The following AKAP3 variants were observed in gnomAD, a reference collection of about 807,000 sequenced individuals.
The protein encoded by AKAP3 is A-kinase anchoring protein 3.
A neutral mutation model predicts 57.2 loss-of-function variants in AKAP3; 27 were observed. The ratio of observed to expected loss-of-function variants is 0.47; its 90% CI spans 0.35 to 0.65. The LOEUF is 0.65. AKAP3 is among the 30% of genes least tolerant of loss of function. The probability of loss-of-function intolerance (pLI) is 0.01; values close to 1 mark genes in which losing one functional copy is unlikely to be tolerated. For missense variants in AKAP3, 959 were observed against 1,040.0 expected (o/e 0.92, Z 1.07); for synonymous variants, 334 against 392.3 (o/e 0.85, Z 1.76).
Position 4,648,943 on chromosome 12 carries a change from A to G in AKAP3, c.-443T>C. On this transcript the variant is annotated 5_prime_UTR_variant, in exon 1 of 6. Transcript: ENST00000228850. ...CCAGATCTGAGATTCCAACAGCCAA[A>G]GTCTTTTCACTTCCTTTCTTCCCCC... is the stretch of plus-strand genomic sequence containing the variant. The G allele has an allele frequency of 1.5e-6, 1 of 650,528 alleles. No individual in the cohort carries two copies. The highest frequency in any genetic ancestry group is 2.6e-6 in the Non-Finnish European group (1 of 379,484). 40.3% of individuals were successfully genotyped at this position (650,528 alleles called of 1,614,324 possible).
At chr12:4,617,518 T>G (rs982374451) in intron 5 of AKAP3, among the ~76,000 whole-genome samples, 61 of 152,318 alleles carry the variant, frequency 4.0e-4, no homozygotes, top group African/African-American at 1.4e-3. Flanking sequence ...TTTGGGAGGC[T>G]GAGGCAGGAA....
At position 4,625,137 on chromosome 12, in the gene AKAP3, C is replaced by A. The variant is rs1204683912; in HGVS notation, c.2406+1359G>T. Reference sequence around the variant, plus strand: ...GTTGTCTGTTTCACGGATTGGAAACCCTGCGTGGAGACAGAGCTTGCCAAC... The same window carrying A: ...GTTGTCTGTTTCACGGATTGGAAACACTGCGTGGAGACAGAGCTTGCCAAC... On this transcript the variant is annotated intron_variant, in intron 5 of 5. Coordinates refer to ENST00000228850, the MANE Select transcript of AKAP3 (RefSeq NM_001278309.2). The surrounding 1 kb of genome is among the most constrained non-coding windows in gnomAD (Gnocchi z 5.4). Among the ~76,000 whole-genome samples, 1 of 152,026 alleles carries A rather than the reference C, an allele frequency of 6.6e-6. No individual in the cohort carries two copies. Among genetic ancestry groups the A allele is most frequent in the African/African-American group, 2.4e-5 (1 of 41,396 alleles).
intron 2 of AKAP3, among the ~76,000 whole-genome samples, chr12:4,644,045 A>G (rs1041075308): frequency 9.2e-5 from 14 of 152,238 alleles, no homozygotes; most frequent in East Asian, 1.9e-4. Flanking sequence ...TGCCTGCTAC[A>G]TCGTAGAAGC....
chr12:4,620,504 G>A (rs1945334462), intron 5 of AKAP3, among the ~76,000 whole-genome samples: 2 of 142,616 alleles, frequency 1.4e-5, no homozygotes, highest in South Asian at 4.5e-4. Flanking sequence ...AAGAGAGATT[G>A]TAACCCTACT....
At chr12:4,621,073 C>T (rs1473650711) in intron 5 of AKAP3, among the ~76,000 whole-genome samples, 3 of 151,164 alleles carry the variant, frequency 2.0e-5, no homozygotes, top group South Asian at 2.1e-4. Flanking sequence ...CCTGTGTGGG[C>T]CTAGGTCAAT....
At chr12:4,638,536 A>G (rs1945594552) in intron 3 of AKAP3, among the ~76,000 whole-genome samples, 1 of 152,200 alleles carries the variant, frequency 6.6e-6, no homozygotes, top group South Asian at 2.1e-4. Flanking sequence ...CTGCACTCAC[A>G]GGATTTTCAG....
chr12:4,631,422 G>T (rs11063271), intron 4 of AKAP3: 75,436 of 684,158 alleles, frequency 0.11, 4,528 homozygotes, highest in South Asian at 0.15. Context: ...CCACAAAGTG[G>T]GGCTGAAAGT....
At chr12:4,643,407 T>C (rs1319217472) in intron 2 of AKAP3, among the ~76,000 whole-genome samples, 1 of 152,082 alleles carries the variant, frequency 6.6e-6, no homozygotes, top group Non-Finnish European at 1.5e-5. Flanking sequence ...CATAAATTGC[T>C]ATAAGTTTAA....
chr12:4,623,592 G>C (rs767285670), intron 5 of AKAP3, among the ~76,000 whole-genome samples: 3 of 152,164 alleles, frequency 2.0e-5, no homozygotes, highest in Non-Finnish European at 4.4e-5. Context: ...ACAGACACTT[G>C]AGGGTGAAGG....
At chr12:4,646,946 C>A (rs898413791) in intron 1 of AKAP3, among the ~76,000 whole-genome samples, 1 of 151,966 alleles carries the variant, frequency 6.6e-6, no homozygotes, top group Non-Finnish European at 1.5e-5. Flanking sequence ...CCACACACGG[C>A]TAATTTTTGT....
chr12:4,634,680 A>G (rs780284701), intron 4 of AKAP3, among the ~76,000 whole-genome samples: 6 of 151,802 alleles, frequency 4.0e-5, no homozygotes, highest in Non-Finnish European at 7.4e-5. Context: ...TGCATTTATT[A>G]GTTCTCAAAT....
At position 4,615,543 on chromosome 12, in the gene AKAP3, G is replaced by T; in HGVS notation, c.*196C>A. The T allele has an allele frequency of 7.0e-6, 4 of 570,238 alleles. No homozygotes were observed. The highest frequency in any genetic ancestry group is 3.9e-5 in the South Asian group (1 of 25,332). 35.3% of individuals were successfully genotyped at this position (570,238 alleles called of 1,614,324 possible). ...TTTAATTGTAATTTTTTAATTTTAC[G>T]TCCTTGCTTGCATGGACAGGAAAAT... is the stretch of plus-strand genomic sequence containing the variant. On this transcript the variant is annotated 3_prime_UTR_variant, in exon 6 of 6. Transcript: ENST00000228850.
At chr12:4,626,450 T>C in intron 5 of AKAP3, 46 bp downstream of exon 5, 2 of 1,576,790 alleles carry the variant, frequency 1.3e-6, no homozygotes, top group Non-Finnish European at 1.7e-6. Flanking sequence ...AAAGCCCTAG[T>C]TAAATCTTAA....
chr12:4,617,815 G>A (rs1401338930), intron 5 of AKAP3, among the ~76,000 whole-genome samples: 3 of 150,334 alleles, frequency 2.0e-5, no homozygotes, highest in Non-Finnish European at 4.4e-5. Context: ...CTTTTTCAAA[G>A]TATGTAGATT....
Position 4,627,668 on chromosome 12 carries a change from T to A in AKAP3, c.1234A>T (p.Met412Leu), listed in dbSNP as rs774540025. The change falls in exon 5 of 6, where the codon ATG becomes TTG. Residue 412 changes from methionine (M) to leucine (L), a missense_variant. Met to Leu is a conservative substitution (Grantham distance 15, BLOSUM62 2). Coordinates refer to ENST00000228850, the MANE Select transcript of AKAP3 (RefSeq NM_001278309.2). ...ESYSLISMKG[M>L]GDPKNRNVNF... The stretch of plus-strand genomic sequence containing the variant: ...ACATTTCGGTTTTTAGGATCACCCA[T>A]TCCTTTCATGGAGATGAGGGAATAA... 6.2e-7 allele frequency: 1 copy of A among 1,614,114 alleles called. No homozygotes were observed. The highest frequency in any genetic ancestry group is 1.7e-5 in the Admixed American group (1 of 60,032).
intron 5 of AKAP3, among the ~76,000 whole-genome samples, chr12:4,617,998 A>G (rs1945306284): frequency 6.6e-6 from 1 of 152,224 alleles, no homozygotes; most frequent in East Asian, 1.9e-4. Context: ...ACACACAAAG[A>G]TATAGTCAAA....
intron 4 of AKAP3, chr12:4,631,374 T>C (rs1015879172): frequency 4.3e-6 from 3 of 699,762 alleles, no homozygotes; most frequent in Non-Finnish European, 7.8e-6. Flanking sequence ...CTCCTTGATG[T>C]CCGGACAGGT....
chr12:4,636,828 C>G (rs149341314), intron 4 of AKAP3, among the ~76,000 whole-genome samples: 1 of 152,130 alleles, frequency 6.6e-6, no homozygotes, highest in African/African-American at 2.4e-5. Flanking sequence ...CAGCTCACTA[C>G]GACCTCAAAC....
chr12:4,629,921 T>C (rs1458307042), intron 4 of AKAP3, among the ~76,000 whole-genome samples: 1 of 152,196 alleles, frequency 6.6e-6, no homozygotes, highest in African/African-American at 2.4e-5. Context: ...TTAATATGTA[T>C]TGGCAATTTA....
Sources: allele counts gnomAD v4.1 joint callset (sites outside exome capture counted in the v4.1 genomes callset), GRCh38; gene constraint gnomAD v4.1.1; non-coding constraint Gnocchi (gnomAD v3.1); transcripts MANE v1.5; gene names NCBI Gene and HGNC (gene_info 2026-07-23, HGNC 2026-07-21).